The following DAB1 variants were observed in gnomAD, a reference collection of about 807,000 sequenced individuals.
DAB1 encodes DAB adaptor protein 1.
DAB1 carries 15 observed loss-of-function variants against 64.6 expected under a neutral mutation model. The observed-to-expected ratio is 0.23, with a 90% CI of 0.16 to 0.36. The LOEUF is 0.36. Ranked by LOEUF, DAB1 falls within the 10% of genes least tolerant of loss-of-function variation. The pLI is 1.00. For synonymous variants in DAB1, 235 were observed against 251.9 expected (o/e 0.93, Z 0.64); for missense variants, 596 against 706.7 (o/e 0.84, Z 1.78).
chr1:58,283,581 A>G (rs910137862), intron 4 of DAB1, among the ~76,000 whole-genome samples: 3 of 152,230 alleles, frequency 2.0e-5, no homozygotes, highest in African/African-American at 4.8e-5. Context: ...ACTCTGACAC[A>G]TAAGTGACTG....
At chr1:57,056,697 C>G (rs11590853) in intron 9 of DAB1, among the ~76,000 whole-genome samples, 1 of 150,350 alleles carries the variant, frequency 6.7e-6, no homozygotes, top group Non-Finnish European at 1.5e-5. Flanking sequence ...AAACCCATCT[C>G]TACTAAAAAT....
chr1:57,452,152 T>C (rs1686396301), intron 7 of DAB1, among the ~76,000 whole-genome samples: 5 of 135,810 alleles, frequency 3.7e-5, no homozygotes, highest in Admixed American at 7.8e-5. Context: ...ATTTAGTCTC[T>C]CTCTGCACCC....
At chr1:57,192,916 A>AT (rs1459487523) in intron 2 of DAB1, among the ~76,000 whole-genome samples, 1 of 152,058 alleles carries the variant, frequency 6.6e-6, no homozygotes. Flanking sequence ...TTCTTTTTTA[A>AT]TTTTTTAAAA....
At chr1:58,474,925 G>T (rs539169168) in intron 3 of DAB1, among the ~76,000 whole-genome samples, 47 of 152,278 alleles carry the variant, frequency 3.1e-4, no homozygotes, top group African/African-American at 8.7e-4. Flanking sequence ...ATGCCTCACG[G>T]GGTTGCTGTG....
chr1:57,015,393 C>T lies in DAB1; in HGVS notation c.934G>A (p.Gly312Ser), dbSNP rs757465267. The change falls in exon 12 of 15, where the codon GGT becomes AGT. Residue 312 changes from glycine (G) to serine (S), a missense_variant. Physicochemically the swap from Gly to Ser is moderately conservative, Grantham distance 56. Transcript: ENST00000371236. ...AMGAVLPSFW[G>S]QQPLVQQQMV... is the part of the protein sequence containing the mutation. The stretch of plus-strand genomic sequence containing the variant: ...TGCTGTTGGACGAGGGGCTGCTGAC[C>T]CCAGAAGGACGGGAGGACAGCGCCC... The T allele has an allele frequency of 7.4e-6, 12 of 1,613,532 alleles. No homozygotes were observed. The African/African-American group carries it at 1.5e-4, about 20-fold the overall frequency.
chr1:57,416,530 T>C (rs1684509781), intron 1 of DAB1, among the ~76,000 whole-genome samples: 1 of 152,206 alleles, frequency 6.6e-6, no homozygotes, highest in Non-Finnish European at 1.5e-5. Context: ...CAGATTTGGA[T>C]AAGTAGTTAT....
chr1:57,288,216 C>G lies in DAB1; in HGVS notation c.67+2748G>C, dbSNP rs183594761. Among the ~76,000 whole-genome samples, 21 of 152,178 alleles carry G rather than the reference C, an allele frequency of 1.4e-4. No individual in the cohort carries two copies. The East Asian group carries it at 3.9e-3, about 28-fold the overall frequency. On this transcript the variant is annotated intron_variant, in intron 2 of 14. Transcript: ENST00000371236. ...AAAATATTGTTCTGGGACAAATTAG[C>G]TATATACTTTTCAAGAGCCCCTTGG...
At chr1:57,040,581 C>A (rs1006243349) in intron 9 of DAB1, among the ~76,000 whole-genome samples, 3 of 152,160 alleles carry the variant, frequency 2.0e-5, no homozygotes, top group African/African-American at 7.2e-5. Flanking sequence ...GATCAGGCTG[C>A]AAGATGGCAT....
intron 7 of DAB1, among the ~76,000 whole-genome samples, chr1:57,568,986 C>T (rs559350319): frequency 3.0e-4 from 45 of 152,004 alleles, no homozygotes; most frequent in African/African-American, 1.0e-3. Flanking sequence ...CGGCCGGGCG[C>T]GGTGGCTCAC....
In DAB1 at chr1:57,295,170, A is replaced by G. The variant is rs77179715; in HGVS notation, c.-136-4004T>C. On this transcript the variant is annotated intron_variant, in intron 1 of 14. Transcript: ENST00000371236. Reference sequence around the variant, plus strand: ...CAGACAGAAGTGAGGGTTGCACAACATCATGACTATAATAAATACCACTTT... The same window carrying G: ...CAGACAGAAGTGAGGGTTGCACAACGTCATGACTATAATAAATACCACTTT... Among the ~76,000 whole-genome samples the G allele has an allele frequency of 9.8e-3, 1,492 of 152,258 alleles. 33 individuals are homozygous for G. Among genetic ancestry groups the G allele is most frequent in the African/African-American group, 0.034 (1,414 of 41,560 alleles).
At chr1:57,204,447 G>GA (rs1333907531) in intron 2 of DAB1, among the ~76,000 whole-genome samples, 3 of 90,364 alleles carry the variant, frequency 3.3e-5, no homozygotes, top group African/African-American at 1.3e-4. Context: ...CACTGGTCTA[G>GA]ATTTAAAAAA....
At chr1:57,077,466 T>A (rs1028269641) in intron 4 of DAB1, among the ~76,000 whole-genome samples, 12 of 152,186 alleles carry the variant, frequency 7.9e-5, no homozygotes, top group African/African-American at 2.9e-4. Context: ...AAAGACCAAG[T>A]CACCTTAAGA....
chr1:57,994,997 C>T (rs995286928), intron 5 of DAB1, among the ~76,000 whole-genome samples: 1 of 152,064 alleles, frequency 6.6e-6, no homozygotes, highest in African/African-American at 2.4e-5. Flanking sequence ...GTGGTACAGC[C>T]GAAAGAACAC....
At chr1:57,602,946 A>T (rs1386731813) in intron 7 of DAB1, among the ~76,000 whole-genome samples, 2 of 152,144 alleles carry the variant, frequency 1.3e-5, no homozygotes, top group Non-Finnish European at 2.9e-5. Flanking sequence ...ATAGCAAATG[A>T]TCACCACAAA....
chr1:57,714,109 A>T (rs1647056972), intron 6 of DAB1, among the ~76,000 whole-genome samples: 1 of 152,216 alleles, frequency 6.6e-6, no homozygotes, highest in South Asian at 2.1e-4. Flanking sequence ...TTATACAGAT[A>T]AGAACTAAAA....
chr1:57,519,950 T>C (rs1038758596), intron 7 of DAB1, among the ~76,000 whole-genome samples: 2 of 152,266 alleles, frequency 1.3e-5, no homozygotes, highest in African/African-American at 4.8e-5. Flanking sequence ...CATCCAGTTT[T>C]AACTTACAAC....
intron 1 of DAB1, among the ~76,000 whole-genome samples, chr1:57,381,370 T>C (rs1256194125): frequency 6.6e-6 from 1 of 151,942 alleles, no homozygotes; most frequent in African/African-American, 2.4e-5. Flanking sequence ...AACAAGAGAG[T>C]GTAATTACAT....
At chr1:57,587,296 A>C (rs1645392027) in intron 7 of DAB1, among the ~76,000 whole-genome samples, 1 of 152,198 alleles carries the variant, frequency 6.6e-6, no homozygotes, top group African/African-American at 2.4e-5. Flanking sequence ...GCTTGCTAAG[A>C]GGTCTCTAAG....
chr1:57,551,300 A>G (rs925299692), intron 7 of DAB1, among the ~76,000 whole-genome samples: 5 of 152,204 alleles, frequency 3.3e-5, no homozygotes, highest in African/African-American at 1.2e-4. Context: ...ATAGATGTCT[A>G]TAAGTATTGC....
Sources: gnomAD v4.1 joint callset for allele counts (sites outside exome capture counted in the v4.1 genomes callset) on GRCh38, gnomAD v4.1.1 for gene constraint, MANE v1.5 for transcripts, NCBI Gene and HGNC (gene_info 2026-07-23, HGNC 2026-07-21) for gene names.